The following DOCK5 variants were observed in gnomAD, a reference collection of about 807,000 sequenced individuals.
DOCK5 encodes dedicator of cytokinesis protein 5.
In DOCK5, 142 loss-of-function variants were observed where a neutral mutation model predicts 251.8. That is an observed-to-expected ratio of 0.56 (90% CI 0.49 to 0.65). The LOEUF is 0.65. DOCK5 is among the 30% of genes least tolerant of loss of function. DOCK5 has a pLI of 0.00. For missense variants in DOCK5, 2,111 were observed against 2,312.3 expected, an observed-to-expected ratio of 0.91 and a Z score of 1.79; for synonymous variants, 842 against 835.5, an observed-to-expected ratio of 1.01 and a Z score of -0.13.
At chr8:25,228,987 C>CG (rs1802599395) in intron 1 of DOCK5, among the ~76,000 whole-genome samples, 1 of 149,284 alleles carries the variant, frequency 6.7e-6, no homozygotes, top group Admixed American at 6.7e-5. Context: ...TCCCAGCACT[C>CG]GGGGAGGCCA....
chr8:25,397,845 A>G (rs1801373251), intron 45 of DOCK5, among the ~76,000 whole-genome samples: 1 of 152,246 alleles, frequency 6.6e-6, no homozygotes, highest in African/African-American at 2.4e-5. Flanking sequence ...ACATACATAC[A>G]TACATACGTA....
chr8:25,203,822 T>C (rs544675173), intron 1 of DOCK5, among the ~76,000 whole-genome samples: 101 of 152,348 alleles, frequency 6.6e-4, no homozygotes, highest in African/African-American at 2.3e-3. Flanking sequence ...TAATGTCTTT[T>C]AGGACTTGAG....
intron 13 of DOCK5, 147 bp downstream of exon 13, chr8:25,310,679 C>T: frequency 1.1e-6 from 1 of 886,958 alleles, no homozygotes; most frequent in South Asian, 2.2e-5. Flanking sequence ...GAGACACCTG[C>T]AATACTTAAA....
At chr8:25,215,060 G>A (rs1407749547) in intron 1 of DOCK5, among the ~76,000 whole-genome samples, 2 of 152,212 alleles carry the variant, frequency 1.3e-5, no homozygotes, top group Non-Finnish European at 2.9e-5. Flanking sequence ...ACTAGGGGCT[G>A]TGGGAAAACA....
intron 45 of DOCK5, among the ~76,000 whole-genome samples, chr8:25,398,878 T>TG (rs397952397): frequency 6.6e-6 from 1 of 151,820 alleles, no homozygotes; most frequent in East Asian, 1.9e-4. Flanking sequence ...CATAGGAATT[T>TG]GGGGGACATA....
At chr8:25,376,122 C>G (rs1800959192) in intron 37 of DOCK5, 1 of 847,856 alleles carries the variant, frequency 1.2e-6, no homozygotes, top group African/African-American at 2.2e-5. Flanking sequence ...AAAAAAAAAG[C>G]AACCTACTGT....
At chr8:25,297,578 G>A (rs1280544351) in intron 7 of DOCK5, among the ~76,000 whole-genome samples, 1 of 151,830 alleles carries the variant, frequency 6.6e-6, no homozygotes, top group African/African-American at 2.4e-5. Context: ...TAGTAGAGAT[G>A]GAGTTTCACC....
intron 2 of DOCK5, among the ~76,000 whole-genome samples, chr8:25,266,391 A>G (rs527248344): frequency 4.0e-5 from 6 of 150,566 alleles, no homozygotes; most frequent in African/African-American, 1.5e-4. Context: ...AATTTTTTGT[A>G]TTTTTAGTAG....
intron 2 of DOCK5, among the ~76,000 whole-genome samples, chr8:25,265,998 A>T (rs997970753): frequency 6.6e-6 from 1 of 151,938 alleles, no homozygotes; most frequent in African/African-American, 2.4e-5. Flanking sequence ...CTCAGCATAG[A>T]ATACGTTGGT....
chr8:25,293,850 A>T (rs931062664), intron 6 of DOCK5, among the ~76,000 whole-genome samples: 1 of 152,132 alleles, frequency 6.6e-6, no homozygotes, highest in African/African-American at 2.4e-5. Flanking sequence ...CTAAAAATAT[A>T]AAAATTAGCT....
chr8:25,359,097 C>G, intron 28 of DOCK5, 36 bp downstream of exon 28: 5 of 1,576,612 alleles, frequency 3.2e-6, no homozygotes, highest in Non-Finnish European at 4.4e-6. Context: ...AACCTGAAGA[C>G]TTCTTAAATT....
chr8:25,248,914 A>G (rs775658299), intron 2 of DOCK5, among the ~76,000 whole-genome samples: 1 of 152,164 alleles, frequency 6.6e-6, no homozygotes, highest in East Asian at 1.9e-4. Flanking sequence ...TTCCTTCTCT[A>G]TGAGGGAAAT....
intron 30 of DOCK5, among the ~76,000 whole-genome samples, chr8:25,365,181 T>TTC (rs1800755037): frequency 3.3e-5 from 5 of 152,068 alleles, no homozygotes; most frequent in African/African-American, 7.2e-5. Flanking sequence ...TTCATTCATT[T>TTC]ACTTATCCAT....
At chr8:25,313,097 C>A (rs1285155093) in intron 13 of DOCK5, among the ~76,000 whole-genome samples, 1 of 152,144 alleles carries the variant, frequency 6.6e-6, no homozygotes, top group East Asian at 1.9e-4. Context: ...CTGAGAAATT[C>A]AGGTCTAGAC....
intron 27 of DOCK5, among the ~76,000 whole-genome samples, chr8:25,355,523 C>T (rs1383496813): frequency 2.0e-5 from 3 of 152,168 alleles, no homozygotes; most frequent in Admixed American, 2.0e-4. Flanking sequence ...TATCTCGGCT[C>T]ACTGCGACCT....
chr8:25,350,649 A>C (rs1040338448), intron 26 of DOCK5, among the ~76,000 whole-genome samples: 1 of 152,142 alleles, frequency 6.6e-6, no homozygotes, highest in Non-Finnish European at 1.5e-5. Flanking sequence ...CTGGAGACTG[A>C]GTTTCTGAGA....
At chr8:25,226,807 G>T (rs1240164344) in intron 1 of DOCK5, among the ~76,000 whole-genome samples, 4 of 151,936 alleles carry the variant, frequency 2.6e-5, no homozygotes, top group Non-Finnish European at 5.9e-5. Flanking sequence ...AGATGGTCTC[G>T]ATCTCCTGAC....
In DOCK5 at chr8:25,390,246, G is replaced by C; in HGVS notation, c.4314G>C (p.Pro1438=). The change falls in exon 42 of 52, where the codon CCG becomes CCC. Residue 1438 remains proline, a synonymous_variant. Coordinates refer to ENST00000276440, the MANE Select transcript of DOCK5 (RefSeq NM_024940.8). ...CTGTAAAGCCAGTGATGAGCTTGCC[G>C]CCCAGCTACAAGGATAAACCTGTTC... is the stretch of plus-strand genomic sequence containing the variant. ...CFTVKPVMSL[P]PSYKDKPVPE... The C allele has an allele frequency of 1.9e-6, 3 of 1,593,306 alleles. No individual in the cohort carries two copies. In the South Asian group the frequency reaches 3.4e-5, roughly 18 times the overall value.
Position 25,304,473 on chromosome 8 carries a change from G to A in DOCK5, c.1049+146G>A, listed in dbSNP as rs1008655821. On this transcript the variant is annotated intron_variant, in intron 11 of 51. Coordinates refer to ENST00000276440, the MANE Select transcript of DOCK5 (RefSeq NM_024940.8). ...AAGATTGTCAGATAGGAGCTGAACA[G>A]AAGACTTTATTCAAAGTCCTTGATG... 1.1e-5 allele frequency: 7 copies of A among 653,242 alleles called. No individual in the cohort carries two copies. The Admixed American group carries it at 1.8e-4, about 17-fold the overall frequency. 40.5% of individuals were successfully genotyped at this position (653,242 alleles called of 1,614,324 possible).
Sources: gnomAD v4.1 joint callset for allele counts (sites outside exome capture counted in the v4.1 genomes callset) on GRCh38, gnomAD v4.1.1 for gene constraint, MANE v1.5 for transcripts, NCBI Gene and HGNC (gene_info 2026-07-23, HGNC 2026-07-21) for gene names.